SYNPR: variants seen among roughly 807,000 people sequenced by gnomAD.
SYNPR encodes the protein synaptoporin.
In SYNPR, 23 loss-of-function variants were observed where a neutral mutation model predicts 32.9. The ratio of observed to expected loss-of-function variants is 0.70; its 90% CI spans 0.50 to 0.99. The LOEUF is 0.99. SYNPR is among the 50% of genes least tolerant of loss of function. The probability of loss-of-function intolerance (pLI) is 0.00; values close to 1 mark genes in which losing one functional copy is unlikely to be tolerated. For synonymous variants in SYNPR, 146 were observed against 135.9 expected (o/e 1.07, Z -0.52); for missense variants, 318 against 349.3 (o/e 0.91, Z 0.71).
chr3:63,437,252 C>T (rs1025124237), intron 2 of SYNPR, among the ~76,000 whole-genome samples: 2 of 152,178 alleles, frequency 1.3e-5, no homozygotes, highest in African/African-American at 4.8e-5. Context: ...CTCTATCAAA[C>T]AACCTGGCAA....
At chr3:63,374,810 A>T (rs769434814) in intron 2 of SYNPR, among the ~76,000 whole-genome samples, 1 of 152,200 alleles carries the variant, frequency 6.6e-6, no homozygotes, top group Non-Finnish European at 1.5e-5. Context: ...TAGTATAGCC[A>T]GTTTTCCCAG....
At chr3:63,318,722 T>A (rs2087072401) in intron 2 of SYNPR, among the ~76,000 whole-genome samples, 1 of 152,094 alleles carries the variant, frequency 6.6e-6, no homozygotes, top group Admixed American at 6.6e-5. Flanking sequence ...CTTCCCTGAT[T>A]AGCTGAATAG....
At chr3:63,437,088 G>C (rs913988924) in intron 2 of SYNPR, among the ~76,000 whole-genome samples, 2 of 152,090 alleles carry the variant, frequency 1.3e-5, no homozygotes, top group African/African-American at 4.8e-5. Context: ...TGTTAGCCAG[G>C]CTGGTCTCAA....
intron 2 of SYNPR, chr3:63,452,143 C>A: frequency 1.4e-6 from 1 of 701,598 alleles, no homozygotes; most frequent in African/African-American, 1.7e-5. Flanking sequence ...TTTGCTCACT[C>A]ATTCATTTGT....
intron 4 of SYNPR, among the ~76,000 whole-genome samples, chr3:63,577,987 C>T (rs1703017378): frequency 1.3e-5 from 2 of 152,118 alleles, no homozygotes; most frequent in South Asian, 4.1e-4. Flanking sequence ...AGTCTAATCA[C>T]AATGTGAACT....
intron 3 of SYNPR, chr3:63,549,964 A>G (rs1455738882): frequency 6.6e-6 from 1 of 152,166 alleles, no homozygotes; most frequent in Non-Finnish European, 1.5e-5. Flanking sequence ...AAATCAACAA[A>G]TTGAATTTGG....
intron 2 of SYNPR, among the ~76,000 whole-genome samples, chr3:63,391,069 T>C (rs1277015742): frequency 6.6e-6 from 1 of 152,354 alleles, no homozygotes. Flanking sequence ...CATGACTCAA[T>C]TCCTTCTTAA....
chr3:63,266,940 A>T (rs569078633), intron 2 of SYNPR, among the ~76,000 whole-genome samples: 2 of 152,282 alleles, frequency 1.3e-5, no homozygotes, highest in Non-Finnish European at 2.9e-5. Flanking sequence ...CTTGGGTTAT[A>T]TTCATCTTTA....
intron 4 of SYNPR, among the ~76,000 whole-genome samples, chr3:63,584,994 C>T (rs748779457): frequency 8.5e-5 from 13 of 152,070 alleles, no homozygotes; most frequent in African/African-American, 3.1e-4. Context: ...GAAGCTTTGT[C>T]GTGCATAAAG....
chr3:63,554,804 A>T lies in SYNPR; in HGVS notation c.210-1739A>T, dbSNP rs1441698573. On this transcript the variant is annotated intron_variant, in intron 3 of 5. Coordinates refer to ENST00000478300, the MANE Select transcript of SYNPR (RefSeq NM_001130003.2). The stretch of plus-strand genomic sequence containing the variant: ...ATTTAATCTGTAAGTTGCTCTGGGC[A>T]ATAGGGCTATTTTAGTGATACTGAT... Among the ~76,000 whole-genome samples the T allele has an allele frequency of 2.0e-5, 3 of 152,248 alleles. No homozygotes were observed. The East Asian group carries it at 5.8e-4, about 29-fold the overall frequency.
chr3:63,592,556 G>A (rs1029750693), intron 4 of SYNPR, among the ~76,000 whole-genome samples: 5 of 152,006 alleles, frequency 3.3e-5, no homozygotes, highest in African/African-American at 7.2e-5. Flanking sequence ...CCTGTAGGAA[G>A]GAGATAATAA....
At chr3:63,547,190 TTAGA>T (rs773510693) in intron 3 of SYNPR, among the ~76,000 whole-genome samples, 56 of 152,288 alleles carry the variant, frequency 3.7e-4, no homozygotes, top group South Asian at 6.2e-4. Flanking sequence ...TAAAGATATC[TTAGA>T]TAGATTGATC....
intron 1 of SYNPR, among the ~76,000 whole-genome samples, chr3:63,240,352 G>A (rs997090627): frequency 9.2e-5 from 14 of 151,970 alleles, no homozygotes; most frequent in African/African-American, 2.7e-4. Flanking sequence ...CTTCATAGAC[G>A]GCATTCTAGG....
intron 4 of SYNPR, among the ~76,000 whole-genome samples, chr3:63,600,181 T>A (rs1700018293): frequency 6.6e-6 from 1 of 152,230 alleles, no homozygotes; most frequent in African/African-American, 2.4e-5. Flanking sequence ...ATAAGATGAA[T>A]GATGTTGGTA....
At chr3:63,415,781 T>C (rs2088531827) in intron 2 of SYNPR, among the ~76,000 whole-genome samples, 1 of 152,244 alleles carries the variant, frequency 6.6e-6, no homozygotes, top group Non-Finnish European at 1.5e-5. Context: ...AATAAATATT[T>C]AGATCTAGGT....
intron 2 of SYNPR, among the ~76,000 whole-genome samples, chr3:63,476,266 AGGAAGGGAGGGAG>A (rs1174271227): frequency 1.5e-4 from 13 of 86,460 alleles, no homozygotes; most frequent in Non-Finnish European, 2.2e-4. Context: ...GAAGGAAGGA[AGGAAGGGAGGGAG>A]GGAAGGAAGG....
chr3:63,378,090 G>A (rs2087917632), intron 2 of SYNPR, among the ~76,000 whole-genome samples: 1 of 151,152 alleles, frequency 6.6e-6, no homozygotes, highest in African/African-American at 2.4e-5. Context: ...ATGTATTTTT[G>A]TACATAAATT....
chr3:63,222,696 T>C, the SYNPR span, among the ~76,000 whole-genome samples: 1 of 152,164 alleles, frequency 6.6e-6, no homozygotes, highest in Non-Finnish European at 1.5e-5. Flanking sequence ...TATGTATTTT[T>C]AGTAAAGATG....
intron 1 of SYNPR, among the ~76,000 whole-genome samples, chr3:63,242,530 A>G (rs1010496262): frequency 6.6e-6 from 1 of 152,142 alleles, no homozygotes; most frequent in African/African-American, 2.4e-5. Flanking sequence ...CACCACTAGT[A>G]TGGAACAGAA....
Sources: allele counts gnomAD v4.1 joint callset (sites outside exome capture counted in the v4.1 genomes callset), GRCh38; gene constraint gnomAD v4.1.1; transcripts MANE v1.5; gene names NCBI Gene and HGNC (gene_info 2026-07-23, HGNC 2026-07-21).